The following MAPK6 variants were observed in gnomAD, a reference collection of about 807,000 sequenced individuals.
The protein encoded by MAPK6 is ERK-3.
A neutral mutation model predicts 59.3 loss-of-function variants in MAPK6; 19 were observed. The observed-to-expected ratio is 0.32, with a 90% CI of 0.22 to 0.47. The LOEUF is 0.47. MAPK6 is among the 20% of genes least tolerant of loss of function. The pLI is 1.00. For synonymous variants in MAPK6, 316 were observed against 290.3 expected (o/e 1.09, Z -0.90); for missense variants, 724 against 847.9 (o/e 0.85, Z 1.81).
At chr15:51,986,784 G>A (rs1216534566) in intron 2 of MAPK6, among the ~76,000 whole-genome samples, 1 of 152,068 alleles carries the variant, frequency 6.6e-6, no homozygotes, top group Non-Finnish European at 1.5e-5. Context: ...ATAGAAAAAA[G>A]TTCTCAATCC....
chr15:52,049,729 C>G (rs1483816154), intron 2 of MAPK6, among the ~76,000 whole-genome samples: 5 of 151,632 alleles, frequency 3.3e-5, no homozygotes, highest in African/African-American at 1.2e-4. Context: ...ATTCTCCTGG[C>G]TCAGCCTCCC....
intron 2 of MAPK6, among the ~76,000 whole-genome samples, chr15:51,996,273 C>T (rs984276836): frequency 2.0e-5 from 3 of 152,252 alleles, no homozygotes; most frequent in African/African-American, 7.2e-5. Context: ...GATTGTTGGT[C>T]TACTTCTAGC....
intron 1 of MAPK6, among the ~76,000 whole-genome samples, chr15:52,031,055 A>G (rs1225782962): frequency 1.3e-5 from 2 of 152,032 alleles, no homozygotes; most frequent in African/African-American, 4.8e-5. Context: ...TGGCCTCCCA[A>G]AGTGCTGGGA....
intron 4 of MAPK6, 69 bp from the exon 5 acceptor site, chr15:52,061,230 A>T (rs1300610396): frequency 8.7e-7 from 1 of 1,153,750 alleles, no homozygotes; most frequent in Admixed American, 1.7e-5. Context: ...AATAAATGAG[A>T]TCAACATTTA....
At chr15:52,007,703 C>CAAAAAAAAAAAAA (rs72079500) in intron 3 of MAPK6, among the ~76,000 whole-genome samples, 1 of 126,124 alleles carries the variant, frequency 7.9e-6, no homozygotes. Context: ...AGCTCTATCT[C>CAAAAAAAAAAAAA]AAAAAAAAAA....
intron 5 of MAPK6, among the ~76,000 whole-genome samples, chr15:52,062,894 G>A (rs2032259141): frequency 6.6e-6 from 1 of 150,588 alleles, no homozygotes; most frequent in African/African-American, 2.5e-5. Context: ...GAGTCATCAG[G>A]TGATTTTGAT....
At chr15:52,030,929 T>C (rs1011725757) in intron 1 of MAPK6, among the ~76,000 whole-genome samples, 4 of 151,584 alleles carry the variant, frequency 2.6e-5, no homozygotes, top group African/African-American at 9.7e-5. Context: ...GTGGCTGGGA[T>C]TACAGGCATG....
In MAPK6 at chr15:52,065,714, A is replaced by ACTT. The variant is rs1307490907; in HGVS notation, c.*715_*717dup. 6.8e-6 allele frequency: 1 copy of ACTT among 147,822 alleles called. No homozygotes were observed. Among genetic ancestry groups the ACTT allele is most frequent in the African/African-American group, 2.5e-5 (1 of 39,718 alleles). The allele number at this position is 147,822 out of a possible 1,614,324, so 9.2% of individuals were successfully genotyped here. A position where few individuals can be genotyped will look rare whatever the true frequency, so the allele number is the denominator to read the frequency against. The stretch of plus-strand genomic sequence containing the variant: ...TTCTGTATTTAATTATAAAAAATTA[A>ACTT]CTTAGTTTTTAAAATTTATTTGCAA... On this transcript the variant is annotated 3_prime_UTR_variant, in exon 6 of 6. Transcript: ENST00000261845.
chr15:51,998,871 T>G lies in MAPK6; in HGVS notation c.-769-5394T>G, dbSNP rs1239057491. Reference sequence around the variant, plus strand: ...ACGCCTGGCTAATTTTTTGTATTTTTAGTAGAGACGGGGTTTCACTGTGTT... The same window carrying G: ...ACGCCTGGCTAATTTTTTGTATTTTGAGTAGAGACGGGGTTTCACTGTGTT... On this transcript the variant is annotated intron_variant, in intron 2 of 7. Transcript: ENST00000691380. 1.1e-4 allele frequency among the ~76,000 whole-genome samples: 16 copies of G among 150,264 alleles called. 1 individual carries two copies. The highest frequency in any genetic ancestry group is 3.9e-4 in the African/African-American group (16 of 40,634).
At position 52,064,479 on chromosome 15, in the gene MAPK6, A is replaced by C; in HGVS notation, c.1645A>C (p.Lys549Gln). 6.2e-7 allele frequency: 1 copy of C among 1,608,262 alleles called. No individual in the cohort carries two copies. Reference protein sequence around the residue: ...SQHEPTDVVDKLNDLNSSVSQ... With the variant: ...SQHEPTDVVDQLNDLNSSVSQ... ...GCATGAGCCTACTGATGTTGTTGAT[A>C]AATTAAATGACTTGAATAGCTCAGT... is the stretch of plus-strand genomic sequence containing the variant. Residue 549 changes from lysine to glutamine, a missense_variant, in exon 6 of 6, where the codon AAA becomes CAA. Transcript: ENST00000261845.
At chr15:52,029,089 G>A (rs1048608701) in intron 1 of MAPK6, among the ~76,000 whole-genome samples, 1 of 152,170 alleles carries the variant, frequency 6.6e-6, no homozygotes, top group African/African-American at 2.4e-5. Flanking sequence ...CCAGGTTGGA[G>A]TGCAGTGGCG....
rs988620197 is a variant in MAPK6, at chr15:52,062,970, T to C, written c.1068-932T>C. On this transcript the variant is annotated intron_variant, in intron 5 of 5. Transcript: ENST00000261845. ...ATCTTAAGATTTTAAGAAGAAATTT[T>C]TTTCCCCCTCCTCAAATGTTGATGT... 5.0e-4 allele frequency among the ~76,000 whole-genome samples: 76 copies of C among 152,328 alleles called. 1 individual carries two copies. The highest frequency in any genetic ancestry group is 3.4e-3 in the Middle Eastern group (1 of 294).
At chr15:51,985,818 C>T (rs1187376993) in intron 2 of MAPK6, among the ~76,000 whole-genome samples, 1 of 150,760 alleles carries the variant, frequency 6.6e-6, no homozygotes, top group Non-Finnish European at 1.5e-5. Context: ...ATTAGCCCGG[C>T]ATGGTGGTGG....
chr15:52,003,316 C>G lies in MAPK6; in HGVS notation c.-769-949C>G, dbSNP rs144901879. ...ATCACCTCCCACCAGCTCCCTCCCT[C>G]GACACATGGTGATTATGGGGATTAC... On this transcript the variant is annotated intron_variant, in intron 2 of 7. Transcript: ENST00000691380. Among the ~76,000 whole-genome samples the G allele has an allele frequency of 2.4e-3, 367 of 152,306 alleles. 3 individuals carry two copies. The highest frequency in any genetic ancestry group is 8.6e-3 in the African/African-American group (359 of 41,566).
At chr15:52,059,452 C>G (rs896091490) in intron 4 of MAPK6, among the ~76,000 whole-genome samples, 10 of 152,124 alleles carry the variant, frequency 6.6e-5, no homozygotes, top group Admixed American at 1.3e-4. Flanking sequence ...AAATGCTGAA[C>G]TAGTAATTCT....
rs569810183 is a variant in MAPK6 at position 52,064,184 on chromosome 15, A to C, written c.1350A>C (p.Ser450=). Residue 450 remains serine (S), a synonymous_variant, in exon 6 of 6, where the codon TCA becomes TCC. Coordinates refer to ENST00000261845, the MANE Select transcript of MAPK6 (RefSeq NM_002748.4). The stretch of plus-strand genomic sequence containing the variant: ...ATACTTGTAACTACAAAACGAGGTC[A>C]TCATCATATTTAGATAACTTAGTTT... ...CSHTCNYKTR[S]SSYLDNLVWR... 1 of 1,612,866 alleles carries C rather than the reference A, an allele frequency of 6.2e-7. No homozygotes were observed. The highest frequency in any genetic ancestry group is 1.1e-5 in the South Asian group (1 of 91,000).
At chr15:52,051,140 C>T (rs922988379) in intron 3 of MAPK6, among the ~76,000 whole-genome samples, 3 of 152,118 alleles carry the variant, frequency 2.0e-5, no homozygotes, top group Admixed American at 1.3e-4. Flanking sequence ...TCACTGCAAG[C>T]TCCGCCTCCC....
chr15:52,057,155 C>T (rs1457943303), intron 3 of MAPK6: 2 of 151,790 alleles, frequency 1.3e-5, no homozygotes, highest in African/African-American at 4.9e-5. Context: ...CTATCCCTCC[C>T]CCGGTCCAGT....
At chr15:52,041,613 A>G (rs1458562775) in intron 1 of MAPK6, among the ~76,000 whole-genome samples, 1 of 152,202 alleles carries the variant, frequency 6.6e-6, no homozygotes, top group Non-Finnish European at 1.5e-5. Flanking sequence ...AGTTTTATAT[A>G]TGCTTTAGTC....
Sources: gnomAD v4.1 joint callset for allele counts (sites outside exome capture counted in the v4.1 genomes callset) on GRCh38, gnomAD v4.1.1 for gene constraint, MANE v1.5 for transcripts, NCBI Gene and HGNC (gene_info 2026-07-23, HGNC 2026-07-21) for gene names.